SPATA31A6: variants seen among roughly 807,000 people sequenced by gnomAD.
SPATA31A6 encodes SPATA31 subfamily A member 6, also known as spermatogenesis-associated protein 31A6.
A neutral mutation model predicts 11.9 loss-of-function variants in SPATA31A6; 9 were observed. The ratio of observed to expected loss-of-function variants is 0.76; its 90% CI spans 0.46 to 1.32. The LOEUF is 1.32. Ranked by LOEUF, SPATA31A6 falls within the 40% of genes most tolerant of loss-of-function variation. The pLI is 0.00. For missense variants in SPATA31A6, 855 were observed against 1,467.3 expected, an observed-to-expected ratio of 0.58 and a Z score of 6.82; for synonymous variants, 314 against 572.1, an observed-to-expected ratio of 0.55 and a Z score of 6.44.
In SPATA31A6 at chr9:42,185,048, G is replaced by A. The variant is rs576588257; in HGVS notation, c.190-21G>A. ...TGTCTCTCCGCGTCATCTTGTCTCC[G>A]TACGTCATCATGTCTCCCAGTGTCC... is the stretch of plus-strand genomic sequence containing the variant. On this transcript the variant is annotated intron_variant, in intron 1 of 3. Coordinates refer to ENST00000332857, the MANE Select transcript of SPATA31A6 (RefSeq NM_001145196.1). 9.0e-5 allele frequency: 139 copies of A among 1,536,268 alleles called. 32 individuals carry two copies. Among genetic ancestry groups the A allele is most frequent in the East Asian group, 2.0e-4 (8 of 40,852 alleles).
chr9:42,188,975 C>G lies in SPATA31A6; in HGVS notation c.3273C>G (p.Gly1091=), dbSNP rs748934154. ...AGCCCAGAAACCCAAACTGTCAAGG[C>G]TCATGCAAGAGCCAAAGGCCAATGT... ...QEEPRNPNCQ[G]SCKSQRPMFP... The change falls in exon 4 of 4, where the codon GGC becomes GGG. Residue 1091 remains glycine, a synonymous_variant. Coordinates refer to ENST00000332857, the MANE Select transcript of SPATA31A6 (RefSeq NM_001145196.1). 111 of 1,547,688 alleles carry G rather than the reference C, an allele frequency of 7.2e-5. 18 individuals are homozygous for G. In the South Asian group the frequency reaches 1.3e-3, roughly 18 times the overall value.
rs200312990 is a variant in SPATA31A6 at position 42,187,059 on chromosome 9, G to A, written c.1357G>A (p.Val453Ile). Residue 453 changes from valine to isoleucine, a missense_variant, in exon 4 of 4, where the codon GTC becomes ATC. Physicochemically the swap from Val to Ile is conservative, Grantham distance 29. Coordinates refer to ENST00000332857, the MANE Select transcript of SPATA31A6 (RefSeq NM_001145196.1). ...TTTCTTGTTCAATGAAATGTCCAAT[G>A]TCTGCCCAATTCAAAGGGAGACTAC... Reference protein sequence around the residue: ...PPFLFNEMSNVCPIQRETTMS... With the variant: ...PPFLFNEMSNICPIQRETTMS... 2.0e-3 allele frequency: 3,161 copies of A among 1,546,066 alleles called. 737 individuals carry two copies. The African/African-American group carries it at 0.043, about 21-fold the overall frequency.
chr9:42,186,965 T>C lies in SPATA31A6; in HGVS notation c.1263T>C (p.Ser421=), dbSNP rs201901193. 5.2e-3 allele frequency: 8,045 copies of C among 1,544,114 alleles called. 651 individuals are homozygous for C. Among genetic ancestry groups the C allele is most frequent in the East Asian group, 0.042 (1,764 of 42,022 alleles). The change falls in exon 4 of 4, where the codon TCT becomes TCC. Residue 421 remains serine (S), a synonymous_variant. Coordinates refer to ENST00000332857, the MANE Select transcript of SPATA31A6 (RefSeq NM_001145196.1). ...NYSQLFWGLP[S]LHSESLVANA... is the part of the protein sequence containing the mutation. ...GCCAGCTTTTCTGGGGCCTCCCCTC[T>C]CTGCACAGCGAGTCCCTGGTGGCTA...
In SPATA31A6 at chr9:42,186,920, A is replaced by T. The variant is rs768323215; in HGVS notation, c.1218A>T (p.Glu406Asp). The change falls in exon 4 of 4, where the codon GAA (glutamate) becomes GAT (aspartate). Residue 406 changes from glutamate (E) to aspartate (D), a missense_variant. Transcript: ENST00000332857. ...GCTCAGATCCTAGGCTCTTGCAGGA[A>T]AGTTTTTGGAAGAATTATAGCCAGC... ...QKCSDPRLLQESFWKNYSQLF... is the reference protein window; with the variant it reads ...QKCSDPRLLQDSFWKNYSQLF... 1 of 1,540,412 alleles carries T rather than the reference A, an allele frequency of 6.5e-7. No homozygotes were observed. Among genetic ancestry groups the T allele is most frequent in the African/African-American group, 1.5e-5 (1 of 65,054 alleles).
Position 42,189,375 on chromosome 9 carries a change from G to A in SPATA31A6, c.3673G>A (p.Ala1225Thr), listed in dbSNP as rs768825838. 7 of 1,540,812 alleles carry A rather than the reference G, an allele frequency of 4.5e-6. No homozygotes were observed. The African/African-American group carries it at 4.7e-5, about 10-fold the overall frequency. Reference sequence around the variant, plus strand: ...AATGTCACTTTGCCATGCGCACCATGCCTCGAAGGTAAATCAGCACAAACA... The same window carrying A: ...AATGTCACTTTGCCATGCGCACCATACCTCGAAGGTAAATCAGCACAAACA... ...KKMSLCHAHH[A>T]SKVNQHKQKF... Residue 1225 changes from alanine to threonine, a missense_variant, in exon 4 of 4, where the codon GCC becomes ACC. Ala to Thr is a moderately conservative substitution (Grantham distance 58). Transcript: ENST00000332857.
Position 42,186,882 on chromosome 9 carries a change from G to C in SPATA31A6, c.1180G>C (p.Gly394Arg). Residue 394 changes from glycine (G) to arginine (R), a missense_variant, in exon 4 of 4, where the codon GGA (glycine) becomes CGA (arginine). Transcript: ENST00000332857. ...GGGAGAGAACTCGAAACAGCTGCCCGGACCTCAGAAGTGCTCAGATCCTAG... is the reference window on the plus strand; with the variant it reads ...GGGAGAGAACTCGAAACAGCTGCCCCGACCTCAGAAGTGCTCAGATCCTAG... ...NMGENSKQLP[G>R]PQKCSDPRLL... 1 of 1,537,206 alleles carries C rather than the reference G, an allele frequency of 6.5e-7. No individual in the cohort carries two copies. Among genetic ancestry groups the C allele is most frequent in the Non-Finnish European group, 8.8e-7 (1 of 1,142,350 alleles).
Position 42,188,552 on chromosome 9 carries a change from A to G in SPATA31A6, c.2850A>G (p.Ala950=). ...CAAAGGCTGGAGAGACAAGGGAGGCAGTGCCACAATGCAGAGTCCCCTTGG... is the reference window on the plus strand; with the variant it reads ...CAAAGGCTGGAGAGACAAGGGAGGCGGTGCCACAATGCAGAGTCCCCTTGG... ...QSSKAGETRE[A]VPQCRVPLET... Residue 950 remains alanine (A), a synonymous_variant, in exon 4 of 4, where the codon GCA becomes GCG. Transcript: ENST00000332857. 1.8e-6 allele frequency: 1 copy of G among 552,174 alleles called. No homozygotes were observed. Among genetic ancestry groups the G allele is most frequent in the Non-Finnish European group, 2.9e-6 (1 of 344,004 alleles). 34.2% of individuals were successfully genotyped at this position (552,174 alleles called of 1,614,324 possible). A position where few individuals can be genotyped will look rare whatever the true frequency, so the allele number is the denominator to read the frequency against.
Position 42,185,886 on chromosome 9 carries a change from G to A in SPATA31A6, c.309-125G>A, listed in dbSNP as rs576939561. 1.9e-5 allele frequency: 28 copies of A among 1,467,276 alleles called. 6 individuals are homozygous for A. The highest frequency in any genetic ancestry group is 2.4e-5 in the Non-Finnish European group (26 of 1,096,976). The allele number at this position is 1,467,276 out of a possible 1,614,324, so 90.9% of individuals were successfully genotyped here. A position where few individuals can be genotyped will look rare whatever the true frequency, so the allele number is the denominator to read the frequency against. ...GAGGATGGGAGTAAAACCCTGGGGC[G>A]AGGGGTAGCAGGAGAATTGGGCAAT... On this transcript the variant is annotated intron_variant, in intron 3 of 3. Transcript: ENST00000332857.
Position 42,189,370 on chromosome 9 carries a change from A to G in SPATA31A6, c.3668A>G (p.His1223Arg), listed in dbSNP as rs2605684. ...LDKKMSLCHA[H>R]HASKVNQHKQ... ...AAGAAAATGTCACTTTGCCATGCGC[A>G]CCATGCCTCGAAGGTAAATCAGCAC... Residue 1223 changes from histidine to arginine, a missense_variant, in exon 4 of 4, where the codon CAC (histidine) becomes CGC (arginine). Physicochemically the swap from His to Arg is conservative, Grantham distance 29. Transcript: ENST00000332857. 8.4e-4 allele frequency: 1,294 copies of G among 1,537,710 alleles called. 566 individuals are homozygous for G. In the East Asian group the frequency reaches 9.2e-3, roughly 11 times the overall value.
At chr9:42,184,020 C>A (rs1300354060) in intron 1 of SPATA31A6, 144 bp downstream of exon 1, 4 of 1,355,164 alleles carry the variant, frequency 3.0e-6, no homozygotes, top group South Asian at 1.4e-5. Flanking sequence ...CAGGGAGAGG[C>A]AGGGCAGCCA....
In SPATA31A6 at chr9:42,186,643, C is replaced by T. The variant is rs773855843; in HGVS notation, c.941C>T (p.Ala314Val). The change falls in exon 4 of 4, where the codon GCT becomes GTT. Residue 314 changes from alanine to valine, a missense_variant. By Grantham distance (64) the Ala-to-Val change is moderately conservative. Transcript: ENST00000332857. ...RHPPETCQME[A>V]GSLFLLSSDG... ...CCACCAGAGACCTGTCAGATGGAAG[C>T]TGGTAGCCTGTTTTTGCTCAGCTCT... 2 of 1,532,166 alleles carry T rather than the reference C, an allele frequency of 1.3e-6. No individual in the cohort carries two copies. Among genetic ancestry groups the T allele is most frequent in the Non-Finnish European group, 1.8e-6 (2 of 1,137,718 alleles). 94.9% of individuals were successfully genotyped at this position (1,532,166 alleles called of 1,614,324 possible). A position where few individuals can be genotyped will look rare whatever the true frequency, so the allele number is the denominator to read the frequency against.
At position 42,189,263 on chromosome 9, in the gene SPATA31A6, A is replaced by T; in HGVS notation, c.3561A>T (p.Lys1187Asn). ...CACCAGTCACTGCTGAGAGCCAAAAAACAGTAAAAAACAGATCATGTGTGT... is the reference window on the plus strand; with the variant it reads ...CACCAGTCACTGCTGAGAGCCAAAATACAGTAAAAAACAGATCATGTGTGT... Reference protein sequence around the residue: ...KPAPVTAESQKTVKNRSCVYS... With the variant: ...KPAPVTAESQNTVKNRSCVYS... The change falls in exon 4 of 4, where the codon AAA (lysine) becomes AAT (asparagine). Residue 1187 changes from lysine to asparagine, a missense_variant. Physicochemically the swap from Lys to Asn is moderately conservative, Grantham distance 94. Transcript: ENST00000332857. The T allele has an allele frequency of 3.8e-6, 6 of 1,560,806 alleles. 1 individual carries two copies. The highest frequency in any genetic ancestry group is 4.3e-6 in the Non-Finnish European group (5 of 1,151,344).
chr9:42,183,660 G>A lies in SPATA31A6; in HGVS notation c.-28G>A, dbSNP rs530220779. The A allele has an allele frequency of 1.6e-4, 246 of 1,524,602 alleles. 45 individuals are homozygous for A. The East Asian group carries it at 2.0e-3, about 12-fold the overall frequency. The allele number at this position is 1,524,602 out of a possible 1,614,324, so 94.4% of individuals were successfully genotyped here. ...TCTCCACGGGGATGCCCAGAGCTCA[G>A]TTGCTTGAAAGCAACGTGCCTATTC... On this transcript the variant is annotated 5_prime_UTR_variant, in exon 1 of 4. Transcript: ENST00000332857.
intron 1 of SPATA31A6, among the ~76,000 whole-genome samples, chr9:42,184,763 G>A (rs1372025446): frequency 7.3e-6 from 1 of 136,432 alleles, no homozygotes; most frequent in Non-Finnish European, 1.6e-5. Context: ...CCTGACCTCA[G>A]GTGATCAACC....
chr9:42,183,963 G>T, intron 1 of SPATA31A6, 87 bp downstream of exon 1: 1 of 1,505,504 alleles, frequency 6.6e-7, no homozygotes, highest in Middle Eastern at 2.4e-4. Context: ...CCAGTGGAGA[G>T]CCTTCTATGA....
chr9:42,187,412 T>C lies in SPATA31A6; in HGVS notation c.1710T>C (p.Pro570=), dbSNP rs1193583098. 2.0e-6 allele frequency: 3 copies of C among 1,528,508 alleles called. 1 individual carries two copies. The Admixed American group carries it at 5.4e-5, about 27-fold the overall frequency. 94.7% of individuals were successfully genotyped at this position (1,528,508 alleles called of 1,614,324 possible). A position where few individuals can be genotyped will look rare whatever the true frequency, so the allele number is the denominator to read the frequency against. Residue 570 remains proline (P), a synonymous_variant, in exon 4 of 4, where the codon CCT becomes CCC. Transcript: ENST00000332857. ...AGGACGTCTTTAGTGTCTCCACTCCTAACCTTCCCCAGGAAAGTTTGACAT... is the reference window on the plus strand; with the variant it reads ...AGGACGTCTTTAGTGTCTCCACTCCCAACCTTCCCCAGGAAAGTTTGACAT... ...KSQDVFSVST[P]NLPQESLTSI...
chr9:42,186,688 G>A lies in SPATA31A6; in HGVS notation c.986G>A (p.Gly329Glu). The change falls in exon 4 of 4, where the codon GGG becomes GAG. Residue 329 changes from glycine (G) to glutamate (E), a missense_variant. By Grantham distance (98) the Gly-to-Glu change is moderately conservative (BLOSUM62 -2). Transcript: ENST00000332857. Reference protein sequence around the residue: ...LLSSDGQNVVGIQVTETAKVN... With the variant: ...LLSSDGQNVVEIQVTETAKVN... ...AGCTCTGATGGCCAGAATGTCGTGG[G>A]GATACAAGTCACAGAAACAGCCAAG... is the stretch of plus-strand genomic sequence containing the variant. 6.5e-7 allele frequency: 1 copy of A among 1,531,168 alleles called. No homozygotes were observed. Among genetic ancestry groups the A allele is most frequent in the Non-Finnish European group, 8.8e-7 (1 of 1,139,414 alleles). The allele number at this position is 1,531,168 out of a possible 1,614,324, so 94.8% of individuals were successfully genotyped here. A position where few individuals can be genotyped will look rare whatever the true frequency, so the allele number is the denominator to read the frequency against.
In SPATA31A6 at chr9:42,187,144, C is replaced by T. The variant is rs1829473351; in HGVS notation, c.1442C>T (p.Ser481Phe). The T allele has an allele frequency of 1.3e-6, 2 of 1,542,762 alleles. No homozygotes were observed. Among genetic ancestry groups the T allele is most frequent in the African/African-American group, 3.1e-5 (2 of 65,448 alleles). The change falls in exon 4 of 4, where the codon TCC becomes TTC. Residue 481 changes from serine (S) to phenylalanine (F), a missense_variant. Coordinates refer to ENST00000332857, the MANE Select transcript of SPATA31A6 (RefSeq NM_001145196.1). ...TCCCACCGCCAACCCTTTATTTCAT[C>T]CACACCCCAATTCCTGCCCACACCT... ...PLSHRQPFIS[S>F]TPQFLPTPMA...
chr9:42,185,575 C>A lies in SPATA31A6; in HGVS notation c.248-120C>A, dbSNP rs1415300458. The A allele has an allele frequency of 4.4e-6, 5 of 1,147,858 alleles. 1 individual carries two copies. Among genetic ancestry groups the A allele is most frequent in the Non-Finnish European group, 6.2e-6 (5 of 803,722 alleles). 71.1% of individuals were successfully genotyped at this position (1,147,858 alleles called of 1,614,324 possible). ...CGTCGGGGTCATGTGGCTTTGGACA[C>A]AGATGGGTGGGGTCCAGGGTCTAAT... On this transcript the variant is annotated intron_variant, in intron 2 of 3. Coordinates refer to ENST00000332857, the MANE Select transcript of SPATA31A6 (RefSeq NM_001145196.1).
Sources: allele counts gnomAD v4.1 joint callset (sites outside exome capture counted in the v4.1 genomes callset), GRCh38; gene constraint gnomAD v4.1.1; transcripts MANE v1.5; gene names NCBI Gene and HGNC (gene_info 2026-07-23, HGNC 2026-07-21).